The following CPA3 variants were observed in gnomAD, a reference collection of about 807,000 sequenced individuals.
CPA3 encodes carboxypeptidase A3, also known as mast cell carboxypeptidase A.
Under a neutral mutation model 55.8 loss-of-function variants are expected in CPA3, and 52 were observed. That is an observed-to-expected ratio of 0.93 (90% CI 0.75 to 1.17). The LOEUF is 1.17. Ranked by LOEUF, CPA3 falls within the 50% of genes most tolerant of loss-of-function variation. The probability of loss-of-function intolerance (pLI) is 0.00; values close to 1 mark genes in which losing one functional copy is unlikely to be tolerated. For synonymous variants in CPA3, 179 were observed against 171.2 expected, an observed-to-expected ratio of 1.05 and a Z score of -0.36; for missense variants, 547 against 509.1, an observed-to-expected ratio of 1.07 and a Z score of -0.72.
At chr3:148,876,932 A>G (rs796835244) in intron 3 of CPA3, among the ~76,000 whole-genome samples, 1 of 152,226 alleles carries the variant, frequency 6.6e-6, no homozygotes, top group Non-Finnish European at 1.5e-5. Flanking sequence ...TCCATCTCAT[A>G]CACTGTGAGT....
At chr3:148,880,944 C>G (rs1023766632) in intron 6 of CPA3, among the ~76,000 whole-genome samples, 1 of 152,026 alleles carries the variant, frequency 6.6e-6, no homozygotes, top group African/African-American at 2.4e-5. Flanking sequence ...TCAGATGTAC[C>G]TAGAAGGACT....
chr3:148,877,793 T>A (rs1212060291), intron 3 of CPA3, among the ~76,000 whole-genome samples: 2 of 152,188 alleles, frequency 1.3e-5, no homozygotes, highest in Non-Finnish European at 2.9e-5. Context: ...AGTACCTGCT[T>A]ACTATTATAA....
chr3:148,886,396 T>C (rs1576584237), intron 10 of CPA3, among the ~76,000 whole-genome samples: 1 of 152,194 alleles, frequency 6.6e-6, no homozygotes, highest in Non-Finnish European at 1.5e-5. Flanking sequence ...ACTGAACTTT[T>C]ACAGGGTTAC....
At chr3:148,873,930 T>C (rs1013056486) in intron 3 of CPA3, among the ~76,000 whole-genome samples, 1 of 152,218 alleles carries the variant, frequency 6.6e-6, no homozygotes, top group African/African-American at 2.4e-5. Flanking sequence ...TATTTATCCT[T>C]TCACCTATAT....
At chr3:148,885,987 C>T in intron 9 of CPA3, 106 bp from the exon 10 acceptor site, 1 of 763,396 alleles carries the variant, frequency 1.3e-6, no homozygotes, top group Non-Finnish European at 2.3e-6. Context: ...AGCACAGTGC[C>T]TAACCTGTAA....
At position 148,887,050 on chromosome 3, in the gene CPA3, A is replaced by T. The variant is rs1203582285; in HGVS notation, c.1066+873A>T. 5.3e-4 allele frequency among the ~76,000 whole-genome samples: 81 copies of T among 152,100 alleles called. 1 individual carries two copies. The highest frequency in any genetic ancestry group is 1.5e-5 in the Non-Finnish European group (1 of 68,018). On this transcript the variant is annotated intron_variant, in intron 10 of 10. Coordinates refer to ENST00000296046, the MANE Select transcript of CPA3 (RefSeq NM_001870.4). ...ATTTATGTTGTCTTTGTGTGTTTTT[A>T]AGTTATTGACTTGGATTTCTTGGCC...
At chr3:148,868,857 A>G (rs1417746148) in intron 2 of CPA3, 58 bp from the exon 3 acceptor site, 3 of 1,576,906 alleles carry the variant, frequency 1.9e-6, no homozygotes, top group Non-Finnish European at 2.6e-6. Flanking sequence ...TCATTTCTTA[A>G]TCAATAAGTG....
chr3:148,878,816 T>A, intron 5 of CPA3, 68 bp downstream of exon 5: 4 of 906,410 alleles, frequency 4.4e-6, no homozygotes, highest in Admixed American at 4.3e-5. Context: ...AGTTACTTTG[T>A]AACACAACTA....
At chr3:148,877,611 T>C (rs1714243562) in intron 3 of CPA3, among the ~76,000 whole-genome samples, 1 of 152,172 alleles carries the variant, frequency 6.6e-6, no homozygotes, top group Non-Finnish European at 1.5e-5. Flanking sequence ...TTTCACCCCC[T>C]TCAAATCATG....
At chr3:148,878,241 C>T (rs1292488111) in intron 3 of CPA3, among the ~76,000 whole-genome samples, 200 bp from the exon 4 acceptor site, 2 of 152,106 alleles carry the variant, frequency 1.3e-5, no homozygotes, top group Non-Finnish European at 2.9e-5. Flanking sequence ...CACTGGACAG[C>T]ACAGCTCTAG....
intron 10 of CPA3, among the ~76,000 whole-genome samples, chr3:148,891,481 TACACACACACAC>T (rs3046005): frequency 2.7e-5 from 4 of 146,784 alleles, no homozygotes; most frequent in African/African-American, 5.1e-5. Context: ...CCCTGTCACA[TACACACACACAC>T]ACACACACAC....
Position 148,878,513 on chromosome 3 carries a change from C to T in CPA3, c.342C>T (p.His114=). Residue 114 remains histidine (H), a synonymous_variant, in exon 4 of 11, where the codon CAC becomes CAT. Coordinates refer to ENST00000296046, the MANE Select transcript of CPA3 (RefSeq NM_001870.4). ...FDVKEDIPGR[H]SYAKYNNWEK... ...TTAAAGAAGATATCCCAGGCAGGCACAGCTACGCAAAATACAATAATTGGG... is the reference window on the plus strand; with the variant it reads ...TTAAAGAAGATATCCCAGGCAGGCATAGCTACGCAAAATACAATAATTGGG... The T allele has an allele frequency of 6.2e-7, 1 of 1,613,280 alleles. No homozygotes were observed. The highest frequency in any genetic ancestry group is 1.7e-4 in the Middle Eastern group (1 of 6,050).
At chr3:148,891,531 CAA>C (rs1714673312) in intron 10 of CPA3, among the ~76,000 whole-genome samples, 1 of 150,824 alleles carries the variant, frequency 6.6e-6, no homozygotes, top group Non-Finnish European at 1.5e-5. Context: ...CACACACACA[CAA>C]ATTCTATATT....
At chr3:148,882,290 A>G (rs1229808554) in intron 7 of CPA3, among the ~76,000 whole-genome samples, 1 of 152,230 alleles carries the variant, frequency 6.6e-6, no homozygotes, top group Non-Finnish European at 1.5e-5. Flanking sequence ...GAATTATTTC[A>G]TCAAAGCCTA....
Position 148,869,014 on chromosome 3 carries a change from T to G in CPA3, c.244T>G (p.Leu82Val). The G allele has an allele frequency of 6.2e-7, 1 of 1,614,074 alleles. No homozygotes were observed. Among genetic ancestry groups the G allele is most frequent in the Non-Finnish European group, 8.5e-7 (1 of 1,179,942 alleles). ...EKESQAIQSALDQNKMHYEIL... is the reference protein window; with the variant it reads ...EKESQAIQSAVDQNKMHYEIL... The stretch of plus-strand genomic sequence containing the variant: ...GGAATCCCAAGCCATCCAGTCTGCC[T>G]TGGATCAAAATAAAATGCACTATGA... The change falls in exon 3 of 11, where the codon TTG (leucine) becomes GTG (valine). Residue 82 changes from leucine to valine, a missense_variant. By Grantham distance (32) the Leu-to-Val change is conservative. Coordinates refer to ENST00000296046, the MANE Select transcript of CPA3 (RefSeq NM_001870.4).
chr3:148,895,236 T>C (rs933318603), intron 10 of CPA3, among the ~76,000 whole-genome samples: 2 of 152,152 alleles, frequency 1.3e-5, no homozygotes, highest in African/African-American at 4.8e-5. Context: ...CTGGATCTCG[T>C]TGGTTTCTAA....
intron 10 of CPA3, among the ~76,000 whole-genome samples, chr3:148,892,375 G>A (rs1350056645): frequency 3.3e-5 from 5 of 152,120 alleles, no homozygotes; most frequent in East Asian, 1.9e-4. Context: ...ATTGTCAGCT[G>A]AGCACGGTGG....
chr3:148,865,589 T>G (rs1263438948), intron 2 of CPA3, 41 bp downstream of exon 2: 22 of 1,531,976 alleles, frequency 1.4e-5, no homozygotes, highest in Non-Finnish European at 1.9e-5. Flanking sequence ...CTTACTGTTC[T>G]CTAAAAGATG....
rs1291454727 is a variant in CPA3, at chr3:148,868,924, T to C, written c.154T>C (p.Trp52Arg). The change falls in exon 3 of 11, where the codon TGG (tryptophan) becomes CGG (arginine). Residue 52 changes from tryptophan (W) to arginine (R), a missense_variant. Physicochemically the swap from Trp to Arg is moderately radical, Grantham distance 101. Coordinates refer to ENST00000296046, the MANE Select transcript of CPA3 (RefSeq NM_001870.4). ...GAGCTTATCTCTGCAGCTTGACTTC[T>C]GGTATCCAGGTGCCACCCACCACGT... ...DLAKTNELDF[W>R]YPGATHHVAA... 25 of 1,613,702 alleles carry C rather than the reference T, an allele frequency of 1.5e-5. No homozygotes were observed. Among genetic ancestry groups the C allele is most frequent in the Non-Finnish European group, 2.0e-5 (24 of 1,179,956 alleles).
Sources: allele counts gnomAD v4.1 joint callset (sites outside exome capture counted in the v4.1 genomes callset), GRCh38; gene constraint gnomAD v4.1.1; transcripts MANE v1.5; gene names NCBI Gene and HGNC (gene_info 2026-07-23, HGNC 2026-07-21).